EVI5: variants seen among roughly 807,000 people sequenced by gnomAD.
EVI5 encodes the protein ecotropic viral integration site 5 protein homolog.
Under a neutral mutation model 112.0 loss-of-function variants are expected in EVI5, and 73 were observed. That is an observed-to-expected ratio of 0.65 (90% CI 0.54 to 0.79). EVI5 has a LOEUF of 0.79. Ranked by LOEUF, EVI5 falls within the 30% of genes least tolerant of loss-of-function variation. The pLI is 0.00. For synonymous variants in EVI5, 305 were observed against 319.9 expected (o/e 0.95, Z 0.50); for missense variants, 900 against 968.8 (o/e 0.93, Z 0.94).
In EVI5 at chr1:92,513,891, C is replaced by A. The variant is rs1571245662; in HGVS notation, c.2246G>T (p.Gly749Val). ...GGAGGAATGGAATGATTCATCATCT[C>A]CTATTAAATGGTTGACAATGTGGAT... is the stretch of plus-strand genomic sequence containing the variant. ...DGIHIVNHLIGDDESFHSSDE... is the reference protein window; with the variant it reads ...DGIHIVNHLIVDDESFHSSDE... Residue 749 changes from glycine (G) to valine (V), a missense_variant, in exon 20 of 20, where the codon GGA becomes GTA. Transcript: ENST00000684568. The A allele has an allele frequency of 4.3e-6, 7 of 1,609,894 alleles. No homozygotes were observed. Among genetic ancestry groups the A allele is most frequent in the Non-Finnish European group, 5.1e-6 (6 of 1,177,394 alleles).
intron 1 of EVI5, among the ~76,000 whole-genome samples, chr1:92,750,286 G>A (rs776714230): frequency 3.3e-5 from 5 of 152,122 alleles, no homozygotes; most frequent in East Asian, 1.9e-4. Context: ...TAGAAGAGCC[G>A]AAGACATTAA....
intron 18 of EVI5, among the ~76,000 whole-genome samples, chr1:92,604,254 G>A (rs747597660): frequency 1.1e-4 from 16 of 151,836 alleles, no homozygotes; most frequent in Non-Finnish European, 2.1e-4. Flanking sequence ...CAGGTACTCG[G>A]GAAGCTGATG....
intron 2 of EVI5, among the ~76,000 whole-genome samples, chr1:92,713,629 T>C (rs539759991): frequency 2.0e-5 from 3 of 151,882 alleles, no homozygotes; most frequent in South Asian, 4.2e-4. Context: ...CTACAAAAAT[T>C]AGCCAGGCAC....
chr1:92,709,901 G>A (rs961053482), intron 2 of EVI5, among the ~76,000 whole-genome samples: 1 of 151,916 alleles, frequency 6.6e-6, no homozygotes, highest in African/African-American at 2.4e-5. Context: ...TGGCATGGTG[G>A]GGGAGGGGCG....
At chr1:92,565,633 A>G (rs185370937) in intron 18 of EVI5, among the ~76,000 whole-genome samples, 4 of 152,090 alleles carry the variant, frequency 2.6e-5, no homozygotes, top group East Asian at 3.9e-4. Context: ...CATCCTACAT[A>G]CTGTATACTA....
At chr1:92,560,617 G>A (rs1385721015) in intron 19 of EVI5, among the ~76,000 whole-genome samples, 3 of 151,848 alleles carry the variant, frequency 2.0e-5, no homozygotes, top group Non-Finnish European at 4.4e-5. Flanking sequence ...TGGTGATCAC[G>A]TTTCAGTGAT....
intron 1 of EVI5, among the ~76,000 whole-genome samples, chr1:92,748,362 A>G (rs1425592666): frequency 1.3e-5 from 2 of 152,108 alleles, no homozygotes; most frequent in East Asian, 3.9e-4. Context: ...CATACCCCCA[A>G]CTGATTCTAG....
chr1:92,754,342 T>C (rs911320577), intron 1 of EVI5, among the ~76,000 whole-genome samples: 2 of 152,230 alleles, frequency 1.3e-5, no homozygotes, highest in East Asian at 1.9e-4. Context: ...TGTCTTCAAA[T>C]TGCTCACCAG....
intron 1 of EVI5, among the ~76,000 whole-genome samples, chr1:92,763,580 A>G (rs1558223041): frequency 6.6e-6 from 1 of 151,748 alleles, no homozygotes; most frequent in Non-Finnish European, 1.5e-5. Context: ...ATGCCACTAC[A>G]CTCTGGCCTG....
intron 2 of EVI5, among the ~76,000 whole-genome samples, chr1:92,733,416 T>TC (rs1570653079): frequency 6.6e-6 from 1 of 151,514 alleles, no homozygotes. Flanking sequence ...CTTTTTTTTT[T>TC]TTTTAAATGA....
chr1:92,631,336 T>C (rs1187942369), intron 14 of EVI5, among the ~76,000 whole-genome samples: 5 of 152,244 alleles, frequency 3.3e-5, no homozygotes, highest in African/African-American at 1.2e-4. Context: ...TCCATCTCTT[T>C]GTATCCTCTT....
chr1:92,565,949 A>AAAAAAAAAAC, intron 18 of EVI5, among the ~76,000 whole-genome samples: 1 of 67,218 alleles, frequency 1.5e-5, no homozygotes, highest in Non-Finnish European at 3.0e-5. Flanking sequence ...CAGCCCGAGC[A>AAAAAAAAAAC]AAAAAAAAAA....
At chr1:92,672,275 C>G (rs1666008689) in intron 10 of EVI5, among the ~76,000 whole-genome samples, 1 of 152,158 alleles carries the variant, frequency 6.6e-6, no homozygotes, top group Non-Finnish European at 1.5e-5. Flanking sequence ...GAGTAAAAGC[C>G]AAAGTCCTTA....
At chr1:92,756,748 T>C (rs908740148) in intron 1 of EVI5, 21 of 494,602 alleles carry the variant, frequency 4.2e-5, no homozygotes, top group African/African-American at 1.8e-4. Flanking sequence ...GCAGATGGTA[T>C]CTACTATGCA....
At chr1:92,570,335 G>A (rs77347059) in intron 18 of EVI5, among the ~76,000 whole-genome samples, 8 of 152,062 alleles carry the variant, frequency 5.3e-5, no homozygotes, top group South Asian at 4.2e-4. Context: ...GGGCAGGGGG[G>A]GCCTAATTTT....
intron 18 of EVI5, among the ~76,000 whole-genome samples, chr1:92,597,264 CAT>C: frequency 1.3e-5 from 2 of 152,140 alleles, no homozygotes; most frequent in South Asian, 4.2e-4. Context: ...TAAGATATGT[CAT>C]ATTTATTTTT....
intron 1 of EVI5, chr1:92,792,289 C>A: frequency 8.9e-7 from 1 of 1,127,922 alleles, no homozygotes. Context: ...TCTGTTACAG[C>A]AATTACATTT....
At chr1:92,611,399 A>G (rs1651761795) in intron 16 of EVI5, among the ~76,000 whole-genome samples, 1 of 151,922 alleles carries the variant, frequency 6.6e-6, no homozygotes, top group Admixed American at 6.6e-5. Context: ...AGAAAAGTAA[A>G]TTTATTTTAA....
At chr1:92,726,217 C>A (rs1675550891) in intron 2 of EVI5, among the ~76,000 whole-genome samples, 1 of 152,072 alleles carries the variant, frequency 6.6e-6, no homozygotes. Context: ...TTCAATACAT[C>A]ACAAATGTAA....
Sources: gnomAD v4.1 joint callset for allele counts (sites outside exome capture counted in the v4.1 genomes callset) on GRCh38, gnomAD v4.1.1 for gene constraint, MANE v1.5 for transcripts, NCBI Gene and HGNC (gene_info 2026-07-23, HGNC 2026-07-21) for gene names.